The following NKD1 variants were observed in gnomAD, a reference collection of about 807,000 sequenced individuals.
NKD1 encodes the protein protein naked cuticle homolog 1.
A neutral mutation model predicts 56.0 loss-of-function variants in NKD1; 21 were observed. That is an observed-to-expected ratio of 0.38 (90% CI 0.27 to 0.54). NKD1 has a LOEUF of 0.54. Among genes scored for constraint, NKD1 ranks in the 20% least tolerant of loss-of-function variants. NKD1 has a pLI of 0.82. For synonymous variants in NKD1, 263 were observed against 265.7 expected (o/e 0.99, Z 0.10); for missense variants, 578 against 642.7 (o/e 0.90, Z 1.09).
intron 4 of NKD1, chr16:50,616,106 A>G (rs1209055803): frequency 4.4e-6 from 2 of 455,704 alleles, no homozygotes; most frequent in Non-Finnish European, 8.8e-6. Flanking sequence ...AGACTAAAAT[A>G]TTTGCAGCAG....
At chr16:50,630,495 T>G (rs1596759498) in intron 7 of NKD1, among the ~76,000 whole-genome samples, 162 bp downstream of exon 7, 7 of 147,534 alleles carry the variant, frequency 4.7e-5, no homozygotes, top group East Asian at 4.0e-4. Context: ...GGAGGAAGGG[T>G]GGGAAGGGGA....
intron 3 of NKD1, among the ~76,000 whole-genome samples, chr16:50,569,769 A>G (rs1960841359): frequency 6.6e-6 from 1 of 152,148 alleles, no homozygotes; most frequent in Non-Finnish European, 1.5e-5. Flanking sequence ...TCCTTGTTGT[A>G]TCTTGTGAGC....
intron 4 of NKD1, among the ~76,000 whole-genome samples, chr16:50,610,426 C>T (rs1240596057): frequency 6.6e-6 from 1 of 152,124 alleles, no homozygotes; most frequent in African/African-American, 2.4e-5. Context: ...GCCTCCCACC[C>T]CAGGGTGGGG....
intron 6 of NKD1, 120 bp downstream of exon 6, chr16:50,625,700 G>A (rs1211353246): frequency 2.7e-5 from 18 of 677,966 alleles, no homozygotes; most frequent in South Asian, 1.4e-4. Flanking sequence ...AGGGAAGGCC[G>A]TAACAGCCAG....
intron 4 of NKD1, among the ~76,000 whole-genome samples, chr16:50,608,705 G>A (rs1355676711): frequency 6.6e-6 from 1 of 152,168 alleles, no homozygotes; most frequent in Non-Finnish European, 1.5e-5. Context: ...GTGTGATCAG[G>A]CAGTGTTGGG....
intron 3 of NKD1, among the ~76,000 whole-genome samples, chr16:50,579,532 G>A (rs1961067727): frequency 1.7e-5 from 2 of 117,648 alleles, no homozygotes; most frequent in African/African-American, 4.0e-5. Flanking sequence ...TTACTCCTGC[G>A]GGGTACCCAC....
rs930614358 is a variant in NKD1, at chr16:50,632,027, A to AC, written c.696-250dup. 4.9e-4 allele frequency among the ~76,000 whole-genome samples: 75 copies of AC among 152,124 alleles called. 2 individuals are homozygous for AC. The highest frequency in any genetic ancestry group is 1.4e-3 in the Admixed American group (22 of 15,290). ...TTGCTTTGAACCTGTTCAGAGCAAA[A>AC]CCCCGTCCACTCCTCCCAGAAGCTG... On this transcript the variant is annotated intron_variant, in intron 8 of 9. Coordinates refer to ENST00000268459, the MANE Select transcript of NKD1 (RefSeq NM_033119.5). The surrounding 1 kb of genome is among the most constrained non-coding windows in gnomAD (Gnocchi z 4.1).
At chr16:50,629,974 T>A (rs758348968) in intron 6 of NKD1, among the ~76,000 whole-genome samples, 15 of 152,162 alleles carry the variant, frequency 9.9e-5, no homozygotes, top group Non-Finnish European at 1.8e-4. Flanking sequence ...TTTTCTCTTA[T>A]GGGATTTTCC....
chr16:50,637,604 CAAAG>C lies in NKD1; in HGVS notation c.*3824_*3827del, dbSNP rs1261568545. Reference sequence around the variant, plus strand: ...GAGGTTATACTGAATAATGAGGAATCAAAGGAAGAAGAAGAAAGAGAGAGGAAGG... The same window carrying C: ...GAGGTTATACTGAATAATGAGGAATCGAAGAAGAAGAAAGAGAGAGGAAGG... On this transcript the variant is annotated 3_prime_UTR_variant, in exon 10 of 10. Transcript: ENST00000268459. 6.6e-6 allele frequency: 1 copy of C among 151,710 alleles called. No homozygotes were observed. Among genetic ancestry groups the C allele is most frequent in the Non-Finnish European group, 1.5e-5 (1 of 67,990 alleles). 9.4% of individuals were successfully genotyped at this position (151,710 alleles called of 1,614,324 possible). A position where few individuals can be genotyped will look rare whatever the true frequency, so the allele number is the denominator to read the frequency against.
intron 3 of NKD1, among the ~76,000 whole-genome samples, chr16:50,554,385 C>T (rs1960455568): frequency 6.6e-6 from 1 of 152,072 alleles, no homozygotes; most frequent in Non-Finnish European, 1.5e-5. Flanking sequence ...CCCGCGAGGG[C>T]AGGAAACATC....
chr16:50,596,132 T>G (rs1362391), intron 3 of NKD1, among the ~76,000 whole-genome samples: 21,841 of 152,142 alleles, frequency 0.14, 3,477 homozygotes, highest in African/African-American at 0.4. Context: ...GAAGCAGGCA[T>G]GGGTGTGGCT....
At position 50,637,435 on chromosome 16, in the gene NKD1, G is replaced by C. The variant is rs1322159547; in HGVS notation, c.*3654G>C. 1 of 152,178 alleles carries C rather than the reference G, an allele frequency of 6.6e-6. No individual in the cohort carries two copies. Among genetic ancestry groups the C allele is most frequent in the Non-Finnish European group, 1.5e-5 (1 of 68,040 alleles). The allele number at this position is 152,178 out of a possible 1,614,324, so 9.4% of individuals were successfully genotyped here. ...TACAAAAAATTAGCTGGGCATGGTG[G>C]TGCGTGCCTGTAATCTCAGCTACTC... On this transcript the variant is annotated 3_prime_UTR_variant, in exon 10 of 10. Coordinates refer to ENST00000268459, the MANE Select transcript of NKD1 (RefSeq NM_033119.5).
At position 50,633,198 on chromosome 16, in the gene NKD1, C is replaced by A. The variant is rs1212032977; in HGVS notation, c.830C>A (p.Pro277His). The change falls in exon 10 of 10, where the codon CCT (proline) becomes CAT (histidine). Residue 277 changes from proline to histidine, a missense_variant. By Grantham distance (77) the Pro-to-His change is moderately conservative. Transcript: ENST00000268459. This position sits in a 1 kb window ranked among gnomAD's most constrained non-coding sequence, Gnocchi z 4.9. Reference sequence around the variant, plus strand: ...CTGTTGAATTGGTTCCTAGGCTCCCCTTCCGTGGCCCAGAAGTCAGAACTG... The same window carrying A: ...CTGTTGAATTGGTTCCTAGGCTCCCATTCCGTGGCCCAGAAGTCAGAACTG... ...NYTSQFGPGS[P>H]SVAQKSELPP... is the part of the protein sequence containing the mutation. 2 of 1,602,782 alleles carry A rather than the reference C, an allele frequency of 1.2e-6. No individual in the cohort carries two copies. Among genetic ancestry groups the A allele is most frequent in the East Asian group, 2.2e-5 (1 of 44,686 alleles).
chr16:50,645,286 A>G lies in NKD1; in HGVS notation c.*11505A>G, dbSNP rs1224932635. 6.6e-6 allele frequency: 1 copy of G among 151,934 alleles called. No individual in the cohort carries two copies. Among genetic ancestry groups the G allele is most frequent in the Non-Finnish European group, 1.5e-5 (1 of 67,998 alleles). 9.4% of individuals were successfully genotyped at this position (151,934 alleles called of 1,614,324 possible). A position where few individuals can be genotyped will look rare whatever the true frequency, so the allele number is the denominator to read the frequency against. On this transcript the variant is annotated 3_prime_UTR_variant, in exon 10 of 10. Transcript: ENST00000268459. ...TAACTTCTGGGGAGACATGGGAGGG[A>G]ATAACAGAGGGGACATGATGGAGAT...
At chr16:50,604,072 G>A (rs1317069713) in intron 3 of NKD1, among the ~76,000 whole-genome samples, 2 of 152,248 alleles carry the variant, frequency 1.3e-5, no homozygotes, top group African/African-American at 4.8e-5. Context: ...GGAGGCCAGA[G>A]GGGAGGGGCC....
At chr16:50,629,706 G>A (rs1438949712) in intron 6 of NKD1, among the ~76,000 whole-genome samples, 1 of 152,152 alleles carries the variant, frequency 6.6e-6, no homozygotes, top group Non-Finnish European at 1.5e-5. Context: ...CAAGTCTGCA[G>A]TGAGCCATGA....
Position 50,633,830 on chromosome 16 carries a change from A to G in NKD1, c.*49A>G. The G allele has an allele frequency of 1.2e-6, 1 of 846,346 alleles. No individual in the cohort carries two copies. The highest frequency in any genetic ancestry group is 1.8e-6 in the Non-Finnish European group (1 of 559,352). The allele number at this position is 846,346 out of a possible 1,614,324, so 52.4% of individuals were successfully genotyped here. On this transcript the variant is annotated 3_prime_UTR_variant, in exon 10 of 10. Transcript: ENST00000268459. This position sits in a 1 kb window ranked among gnomAD's most constrained non-coding sequence, Gnocchi z 4.9. ...TGCCATATGAAGGACCCCACCCCCG[A>G]CACCACAAGGCATTATTATTCTATT...
chr16:50,614,088 C>T (rs945957724), intron 4 of NKD1, among the ~76,000 whole-genome samples: 3 of 152,092 alleles, frequency 2.0e-5, no homozygotes, highest in African/African-American at 7.2e-5. Context: ...CATTTCTGGT[C>T]TCAGGAAGGG....
At chr16:50,567,185 C>A (rs984289696) in intron 3 of NKD1, among the ~76,000 whole-genome samples, 2 of 152,140 alleles carry the variant, frequency 1.3e-5, no homozygotes, top group African/African-American at 4.8e-5. Flanking sequence ...GAATGCCCAC[C>A]GTTTGGAGTT....
Sources: gnomAD v4.1 joint callset for allele counts (sites outside exome capture counted in the v4.1 genomes callset) on GRCh38, gnomAD v4.1.1 for gene constraint, Gnocchi (gnomAD v3.1) non-coding constraint, MANE v1.5 for transcripts, NCBI Gene and HGNC (gene_info 2026-07-23, HGNC 2026-07-21) for gene names.